LRRC37A2: variants seen among roughly 807,000 people sequenced by gnomAD.
LRRC37A2 encodes leucine rich repeat containing 37 member A2, also known as leucine-rich repeat-containing protein 37A2.
LRRC37A2 carries 9 observed loss-of-function variants against 68.8 expected under a neutral mutation model. That is an observed-to-expected ratio of 0.13 (90% confidence interval 0.08 to 0.23). The LOEUF is 0.23. Ranked by LOEUF, LRRC37A2 falls within the 10% of genes least tolerant of loss-of-function variation. The pLI is 1.00. For synonymous variants in LRRC37A2, 63 were observed against 367.6 expected (o/e 0.17, Z 9.48); for missense variants, 168 against 950.4 (o/e 0.18, Z 10.82).
At chr17:46,718,538 T>G in the LRRC37A2 span, among the ~76,000 whole-genome samples, 1 of 152,116 alleles carries the variant, frequency 6.6e-6, no homozygotes, top group East Asian at 1.9e-4. Context: ...AATTTAAAAT[T>G]TATATAAAAA....
At chr17:46,748,954 CTG>C in the LRRC37A2 span, among the ~76,000 whole-genome samples, 2 of 152,172 alleles carry the variant, frequency 1.3e-5, no homozygotes, top group African/African-American at 2.4e-5. Context: ...TAACTAAAGA[CTG>C]TGAAATAACT....
the LRRC37A2 span, among the ~76,000 whole-genome samples, chr17:46,788,933 T>C: frequency 2.0e-5 from 3 of 151,988 alleles, no homozygotes; most frequent in Non-Finnish European, 4.4e-5. Context: ...AGTTTGGGAG[T>C]CCTTTGTTTG....
the LRRC37A2 span, among the ~76,000 whole-genome samples, chr17:46,838,315 C>T: frequency 1.7e-3 from 248 of 146,870 alleles, no homozygotes; most frequent in Non-Finnish European, 3.1e-3. Flanking sequence ...TAGAACGGGG[C>T]CTGCCTTAAA....
At chr17:47,012,007 A>G in the LRRC37A2 span, among the ~76,000 whole-genome samples, 158 of 152,320 alleles carry the variant, frequency 1.0e-3, 1 homozygote, top group African/African-American at 3.4e-3. Flanking sequence ...GGGAGACCCT[A>G]TAAGATCGTG....
the LRRC37A2 span, among the ~76,000 whole-genome samples, chr17:46,725,544 A>T: frequency 6.6e-6 from 1 of 152,188 alleles, no homozygotes; most frequent in African/African-American, 2.4e-5. Flanking sequence ...TGTTAGGAAT[A>T]CTTTAAAAAC....
chr17:46,737,572 CGTGTGTGTGTGTGT>C, the LRRC37A2 span, among the ~76,000 whole-genome samples: 24 of 147,272 alleles, frequency 1.6e-4, no homozygotes, highest in African/African-American at 5.9e-4. Context: ...GGTGTGTGTG[CGTGTGTGTGTGTGT>C]GTGTGTGTGT....
At chr17:46,739,197 C>G in the LRRC37A2 span, among the ~76,000 whole-genome samples, 1 of 152,020 alleles carries the variant, frequency 6.6e-6, no homozygotes, top group Non-Finnish European at 1.5e-5. Flanking sequence ...TGGTGAAACC[C>G]CCGCCTCTAC....
the LRRC37A2 span, among the ~76,000 whole-genome samples, chr17:46,981,669 T>C: frequency 6.6e-6 from 1 of 152,166 alleles, no homozygotes; most frequent in Non-Finnish European, 1.5e-5. Context: ...ATTAAGCATG[T>C]GTGTATATCC....
At chr17:46,719,183 T>C in the LRRC37A2 span, among the ~76,000 whole-genome samples, 2 of 152,308 alleles carry the variant, frequency 1.3e-5, no homozygotes, top group African/African-American at 4.8e-5. This position sits in a 1 kb window ranked among gnomAD's most constrained non-coding sequence, Gnocchi z 4.3. Flanking sequence ...AAATTTAAGA[T>C]TTTTCAAAAT....
the LRRC37A2 span, chr17:46,973,128 C>A: frequency 3.4e-3 from 512 of 152,486 alleles, 2 homozygotes; most frequent in Non-Finnish European, 5.3e-3. Context: ...TGTGTGCAAC[C>A]CACATGTGTA....
At chr17:46,869,576 G>A in the LRRC37A2 span, among the ~76,000 whole-genome samples, 1 of 152,226 alleles carries the variant, frequency 6.6e-6, no homozygotes, top group African/African-American at 2.4e-5. Flanking sequence ...TGCTGGGTCT[G>A]GCTCCCAAGT....
the LRRC37A2 span, chr17:46,978,834 G>A: frequency 6.2e-7 from 1 of 1,605,022 alleles, no homozygotes; most frequent in South Asian, 1.1e-5. Flanking sequence ...GGCTGCGCTC[G>A]TCGGGCGCCA....
chr17:46,986,192 C>T, the LRRC37A2 span, among the ~76,000 whole-genome samples: 12 of 151,948 alleles, frequency 7.9e-5, no homozygotes, highest in African/African-American at 2.9e-4. Context: ...TTGCCAACAC[C>T]GACTAATATT....
chr17:46,815,061 A>G, the LRRC37A2 span, among the ~76,000 whole-genome samples: 1 of 152,262 alleles, frequency 6.6e-6, no homozygotes, highest in Non-Finnish European at 1.5e-5. Context: ...TCAGTCACAC[A>G]GCGGCAGGGT....
At chr17:47,001,210 G>A in the LRRC37A2 span, among the ~76,000 whole-genome samples, 9 of 152,208 alleles carry the variant, frequency 5.9e-5, no homozygotes, top group African/African-American at 2.2e-4. Flanking sequence ...GTATTATGGG[G>A]GTATTAATGT....
At chr17:46,492,086 CCTGAGTGG>C in the LRRC37A2 span, among the ~76,000 whole-genome samples, 1 of 150,962 alleles carries the variant, frequency 6.6e-6, no homozygotes. Context: ...GTCTCAGCCT[CCTGAGTGG>C]CTGGGATTAC....
chr17:46,780,688 A>G, the LRRC37A2 span, among the ~76,000 whole-genome samples: 1 of 151,948 alleles, frequency 6.6e-6, no homozygotes. Context: ...GAGGCAGGAG[A>G]ATGGCATGAA....
At chr17:46,875,355 G>A in the LRRC37A2 span, 402 of 1,604,430 alleles carry the variant, frequency 2.5e-4, 2 homozygotes, top group Middle Eastern at 2.0e-3. Context: ...CAATACCCAC[G>A]TGGGCATCAA....
At chr17:46,976,364 C>A in the LRRC37A2 span, among the ~76,000 whole-genome samples, 1 of 151,248 alleles carries the variant, frequency 6.6e-6, no homozygotes, top group Admixed American at 6.6e-5. Context: ...GAAACCCGGT[C>A]TCTACTAAAA....
Sources: allele counts gnomAD v4.1 joint callset (sites outside exome capture counted in the v4.1 genomes callset), GRCh38; gene constraint gnomAD v4.1.1; non-coding constraint Gnocchi (gnomAD v3.1); transcripts MANE v1.5; gene names NCBI Gene and HGNC (gene_info 2026-07-23, HGNC 2026-07-21).